The following CNOT1 variants were observed in gnomAD, a reference collection of about 807,000 sequenced individuals.
CNOT1 encodes CCR4-NOT transcription complex subunit 1.
In CNOT1, 15 loss-of-function variants were observed where a neutral mutation model predicts 273.8. That is an observed-to-expected ratio of 0.05 (90% CI 0.04 to 0.08). CNOT1 has a LOEUF of 0.08. Among genes scored for constraint, CNOT1 ranks in the 10% least tolerant of loss-of-function variants. CNOT1 has a pLI of 1.00. For synonymous variants in CNOT1, 1,022 were observed against 1,005.5 expected, an observed-to-expected ratio of 1.02 and a Z score of -0.31; for missense variants, 1,644 against 2,912.2, an observed-to-expected ratio of 0.56 and a Z score of 10.02.
In CNOT1 at chr16:58,586,491, T is replaced by C. The variant is rs1378767195; in HGVS notation, c.637+54A>G. On this transcript the variant is annotated intron_variant, in intron 7 of 48. Transcript: ENST00000317147. Reference sequence around the variant, plus strand: ...GGGAGGGGGGAATGCTTTTGTGATGTGTCTGTGGTCATCCAAGAAAACCAC... The same window carrying C: ...GGGAGGGGGGAATGCTTTTGTGATGCGTCTGTGGTCATCCAAGAAAACCAC... The C allele has an allele frequency of 2.6e-6, 4 of 1,511,122 alleles. No individual in the cohort carries two copies. In the African/African-American group the frequency reaches 5.9e-5, roughly 22 times the overall value. 93.6% of individuals were successfully genotyped at this position (1,511,122 alleles called of 1,614,324 possible). A position where few individuals can be genotyped will look rare whatever the true frequency, so the allele number is the denominator to read the frequency against.
chr16:58,546,785 T>C, intron 27 of CNOT1, 36 bp from the exon 28 acceptor site: 2 of 1,612,970 alleles, frequency 1.2e-6, no homozygotes, highest in Non-Finnish European at 1.7e-6. Context: ...TGGCCCAAAA[T>C]GTGCCCTTTA....
intron 45 of CNOT1, among the ~76,000 whole-genome samples, chr16:58,525,640 GGAGA>G (rs1374476814): frequency 2.6e-5 from 4 of 152,150 alleles, no homozygotes; most frequent in African/African-American, 9.7e-5. Flanking sequence ...TTAAAGATTT[GGAGA>G]GAAAGTTGTA....
intron 1 of CNOT1, among the ~76,000 whole-genome samples, chr16:58,614,634 C>T (rs2043014020): frequency 7.9e-6 from 1 of 126,110 alleles, no homozygotes; most frequent in Admixed American, 7.8e-5. Context: ...GCCTAGTTTC[C>T]TCCCGGATTC....
intron 39 of CNOT1, among the ~76,000 whole-genome samples, chr16:58,536,621 T>C (rs1347225831): frequency 8.0e-6 from 1 of 124,364 alleles, no homozygotes; most frequent in Non-Finnish European, 1.6e-5. Flanking sequence ...ATTTTTGTTT[T>C]GTCATTTTTT....
At chr16:58,617,473 A>C (rs1193105084) in intron 1 of CNOT1, among the ~76,000 whole-genome samples, 1 of 152,158 alleles carries the variant, frequency 6.6e-6, no homozygotes, top group Non-Finnish European at 1.5e-5. Flanking sequence ...CAAAATCCAA[A>C]ATGTTTTGAG....
chr16:58,572,977 C>T (rs970320883), intron 16 of CNOT1, among the ~76,000 whole-genome samples: 1 of 147,728 alleles, frequency 6.8e-6, no homozygotes, highest in African/African-American at 2.5e-5. Flanking sequence ...AAAATCAGTA[C>T]AAGATGTACA....
At chr16:58,549,654 C>A in intron 25 of CNOT1, 65 bp downstream of exon 25, 1 of 1,526,516 alleles carries the variant, frequency 6.6e-7, no homozygotes. Flanking sequence ...AAAATCCTAC[C>A]TATATAATCA....
At chr16:58,554,237 T>C (rs2040552323) in intron 21 of CNOT1, among the ~76,000 whole-genome samples, 1 of 150,188 alleles carries the variant, frequency 6.7e-6, no homozygotes, top group African/African-American at 2.4e-5. Flanking sequence ...TGAAACGTAG[T>C]AACGTAAGTC....
Position 58,543,868 on chromosome 16 carries a change from C to T in CNOT1, c.4173G>A (p.Gln1391=), listed in dbSNP as rs201235504. Residue 1391 remains glutamine (Q), a synonymous_variant, in exon 31 of 49, where the codon CAG becomes CAA. Transcript: ENST00000317147. ...PLFQAHPQLK[Q]CVRQAIERAV... ...CCCGTTCAATTGCCTGACGCACACA[C>T]TGCTTCAACTGTGGATGGGCCTGAA... 1.1e-5 allele frequency: 18 copies of T among 1,613,160 alleles called. No homozygotes were observed. Among genetic ancestry groups the T allele is most frequent in the Non-Finnish European group, 1.2e-5 (14 of 1,179,524 alleles).
chr16:58,525,141 A>G, intron 46 of CNOT1, 38 bp downstream of exon 46: 2 of 1,593,202 alleles, frequency 1.3e-6, no homozygotes, highest in African/African-American at 2.7e-5. Flanking sequence ...CAAAAAGCAC[A>G]GAGAACTCTA....
chr16:58,573,637 C>T lies in CNOT1; in HGVS notation c.1979+972G>A, dbSNP rs549927070. On this transcript the variant is annotated intron_variant, in intron 16 of 48. Transcript: ENST00000317147. ...CTGGGACTACAGGCGCCCGCCACCA[C>T]GCCTAGCTAATTTTTTTGTATTTTT... 1.8e-4 allele frequency among the ~76,000 whole-genome samples: 28 copies of T among 151,874 alleles called. No individual in the cohort carries two copies. The South Asian group carries it at 5.0e-3, about 27-fold the overall frequency.
At chr16:58,575,236 T>C in intron 14 of CNOT1, 107 bp from the exon 15 acceptor site, 2 of 1,455,808 alleles carry the variant, frequency 1.4e-6, no homozygotes, top group East Asian at 2.4e-5. Flanking sequence ...TAAAACACAC[T>C]GCTAATACTT....
intron 12 of CNOT1, among the ~76,000 whole-genome samples, chr16:58,579,429 GTTAT>G (rs945452143): frequency 8.5e-5 from 13 of 152,088 alleles, no homozygotes; most frequent in African/African-American, 3.1e-4. Flanking sequence ...TTAAGGAACT[GTTAT>G]TTGTTAATGT....
At chr16:58,548,208 T>A (rs757224775) in intron 25 of CNOT1, among the ~76,000 whole-genome samples, 1 of 152,216 alleles carries the variant, frequency 6.6e-6, no homozygotes. Context: ...TTCTGAGATA[T>A]AGTATAATAC....
intron 22 of CNOT1, 147 bp downstream of exon 22, chr16:58,553,635 C>T: frequency 1.0e-6 from 1 of 999,374 alleles, no homozygotes; most frequent in Non-Finnish European, 1.3e-6. Context: ...AAATGAGCAA[C>T]CTCAACAAAA....
intron 1 of CNOT1, among the ~76,000 whole-genome samples, chr16:58,622,349 G>A: frequency 3.4e-5 from 1 of 29,628 alleles, no homozygotes; most frequent in East Asian, 1.1e-3. Context: ...GGGGGGGGGG[G>A]GCGGGCGTGG....
At chr16:58,577,073 A>T (rs915992701) in intron 13 of CNOT1, among the ~76,000 whole-genome samples, 1 of 130,268 alleles carries the variant, frequency 7.7e-6, no homozygotes, top group Non-Finnish European at 1.6e-5. Context: ...AGAATCTTTG[A>T]TTTTTTTAAT....
chr16:58,541,479 A>G (rs2040095093), intron 34 of CNOT1, 22 bp downstream of exon 34: 2 of 1,603,704 alleles, frequency 1.2e-6, no homozygotes, highest in African/African-American at 2.7e-5. Flanking sequence ...AAAACACTCA[A>G]TTTAATCTAA....
chr16:58,585,477 G>A lies in CNOT1; in HGVS notation c.667C>T (p.Leu223Phe). 1 of 1,610,310 alleles carries A rather than the reference G, an allele frequency of 6.2e-7. No homozygotes were observed. The highest frequency in any genetic ancestry group is 8.5e-7 in the Non-Finnish European group (1 of 1,178,252). The part of the protein sequence containing the change: ...DFPQERCPVV[L>F]APLLYPEKRD... The stretch of plus-strand genomic sequence containing the variant: ...TTTTCAGGGTATAAAAGTGGTGCGA[G>A]CACCACGGGACAGCGTTCTTGGGGA... Residue 223 changes from leucine to phenylalanine, a missense_variant, in exon 8 of 49, where the codon CTC (leucine) becomes TTC (phenylalanine). By Grantham distance (22) the Leu-to-Phe change is conservative (BLOSUM62 0). Coordinates refer to ENST00000317147, the MANE Select transcript of CNOT1 (RefSeq NM_016284.5).
Sources: allele counts gnomAD v4.1 joint callset (sites outside exome capture counted in the v4.1 genomes callset), GRCh38; gene constraint gnomAD v4.1.1; transcripts MANE v1.5; gene names NCBI Gene and HGNC (gene_info 2026-07-23, HGNC 2026-07-21).